Variants in ACSM5 observed in about 807,000 individuals in gnomAD.
ACSM5 encodes the protein acyl-CoA synthetase medium chain family member 5.
A neutral mutation model predicts 71.6 loss-of-function variants in ACSM5; 56 were observed. The ratio of observed to expected loss-of-function variants is 0.78; its 90% confidence interval spans 0.63 to 0.98. ACSM5 has a LOEUF of 0.98. ACSM5 is among the 50% of genes least tolerant of loss of function. ACSM5 has a pLI of 0.00. For missense variants in ACSM5, 723 were observed against 726.0 expected (o/e 1.00, Z 0.05); for synonymous variants, 285 against 281.5 (o/e 1.01, Z -0.12).
At chr16:20,420,156 C>T (rs1301765042) in intron 4 of ACSM5, among the ~76,000 whole-genome samples, 1 of 152,156 alleles carries the variant, frequency 6.6e-6, no homozygotes, top group Admixed American at 6.5e-5. Context: ...CTCTCAGGGG[C>T]CTGAACCATT....
intron 5 of ACSM5, among the ~76,000 whole-genome samples, chr16:20,421,658 C>CAT (rs1966885722): frequency 1.7e-5 from 2 of 118,940 alleles, no homozygotes; most frequent in South Asian, 5.5e-4. Context: ...TATATATATA[C>CAT]ACACACACAT....
In ACSM5 at chr16:20,419,245, G is replaced by C; in HGVS notation, c.433G>C (p.Gly145Arg). Reference sequence around the variant, plus strand: ...TATGCCAGGGACTGTGATGATTCCGGGTGTGACTCAGCTGACAGAGAAGGA... The same window carrying C: ...TATGCCAGGGACTGTGATGATTCCGCGTGTGACTCAGCTGACAGAGAAGGA... Reference protein sequence around the residue: ...CMRTGTVMIPGVTQLTEKDLK... With the variant: ...CMRTGTVMIPRVTQLTEKDLK... Residue 145 changes from glycine to arginine, a missense_variant, in exon 4 of 14, where the codon GGT becomes CGT. Transcript: ENST00000331849. The C allele has an allele frequency of 1.9e-6, 3 of 1,614,018 alleles. No homozygotes were observed. Among genetic ancestry groups the C allele is most frequent in the Non-Finnish European group, 2.5e-6 (3 of 1,180,004 alleles).
intron 12 of ACSM5, among the ~76,000 whole-genome samples, chr16:20,439,493 A>C (rs1336909143): frequency 8.6e-5 from 13 of 151,918 alleles, no homozygotes; most frequent in African/African-American, 3.1e-4. Context: ...TCTTTTCTCC[A>C]AAATATTTGC....
At chr16:20,431,373 T>C in intron 10 of ACSM5, 52 bp downstream of exon 10, 2 of 1,374,706 alleles carry the variant, frequency 1.5e-6, no homozygotes. Context: ...TGCTAAGCAT[T>C]GTGCACCACA....
chr16:20,431,932 G>A (rs1473678961), intron 10 of ACSM5, among the ~76,000 whole-genome samples: 3 of 147,502 alleles, frequency 2.0e-5, no homozygotes, highest in East Asian at 2.1e-4. Context: ...GTGAGGGAAC[G>A]AGACTCCGTA....
chr16:20,411,770 C>T (rs529132295), intron 2 of ACSM5, 82 bp downstream of exon 2: 2 of 1,433,110 alleles, frequency 1.4e-6, no homozygotes, highest in African/African-American at 1.4e-5. Flanking sequence ...AGGCTCCAAG[C>T]ATGTTGATGA....
chr16:20,419,220 T>C lies in ACSM5; in HGVS notation c.416-8T>C. ...ATCCACTCAACATCCCCTTCTGTTT[T>C]ATGCCAGGGACTGTGATGATTCCGG... is the stretch of plus-strand genomic sequence containing the variant. On this transcript the variant is annotated splice_polypyrimidine_tract_variant and splice_region_variant and intron_variant, in intron 3 of 13. Transcript: ENST00000331849. 6.2e-7 allele frequency: 1 copy of C among 1,614,126 alleles called. No individual in the cohort carries two copies. The highest frequency in any genetic ancestry group is 8.5e-7 in the Non-Finnish European group (1 of 1,180,020).
chr16:20,429,595 G>C (rs1384912151), intron 7 of ACSM5, 83 bp from the exon 8 acceptor site: 5 of 1,587,196 alleles, frequency 3.2e-6, no homozygotes, highest in Admixed American at 1.7e-5. Context: ...TGCCTGTGGT[G>C]TTTGCATCTG....
In ACSM5 at chr16:20,421,414, C is replaced by T. The variant is rs745481198; in HGVS notation, c.767+13C>T. On this transcript the variant is annotated intron_variant, in intron 5 of 13. Coordinates refer to ENST00000331849, the MANE Select transcript of ACSM5 (RefSeq NM_017888.3). ...TGGCCAGCGGAAGGTACCAGAGCAGCTTGTCTAGAGGATCCAAGAACAGAA... is the reference window on the plus strand; with the variant it reads ...TGGCCAGCGGAAGGTACCAGAGCAGTTTGTCTAGAGGATCCAAGAACAGAA... 2.5e-6 allele frequency: 4 copies of T among 1,573,808 alleles called. No homozygotes were observed. The highest frequency in any genetic ancestry group is 3.5e-6 in the Non-Finnish European group (4 of 1,155,006).
At chr16:20,420,369 G>A (rs917474011) in intron 4 of ACSM5, among the ~76,000 whole-genome samples, 1 of 152,238 alleles carries the variant, frequency 6.6e-6, no homozygotes, top group Non-Finnish European at 1.5e-5. Context: ...TGGAGGCTGA[G>A]GCAGGCAGAT....
In ACSM5 at chr16:20,427,808, A is replaced by C; in HGVS notation, c.942A>C (p.Ile314=). Residue 314 remains isoleucine (I), a synonymous_variant, in exon 7 of 14, where the codon ATA becomes ATC. Coordinates refer to ENST00000331849, the MANE Select transcript of ACSM5 (RefSeq NM_017888.3). The stretch of plus-strand genomic sequence containing the variant: ...TTTAGACTCTCTCCAAATTCCCGAT[A>C]ACCACCCTCTGCTGTGTCCCAACCA... ...VILNTLSKFP[I]TTLCCVPTIF... 6.2e-7 allele frequency: 1 copy of C among 1,613,790 alleles called. No individual in the cohort carries two copies. The highest frequency in any genetic ancestry group is 1.1e-5 in the South Asian group (1 of 91,070).
chr16:20,439,757 T>C (rs749379447), intron 12 of ACSM5, 43 bp from the exon 13 acceptor site: 48 of 1,582,178 alleles, frequency 3.0e-5, no homozygotes, highest in Non-Finnish European at 4.0e-5. Context: ...AAAGAGTTGT[T>C]ATACGAGGCC....
In ACSM5 at chr16:20,441,192, C is replaced by T. The variant is rs190930405; in HGVS notation, c.*765C>T. 81 of 152,272 alleles carry T rather than the reference C, an allele frequency of 5.3e-4. No homozygotes were observed. Among genetic ancestry groups the T allele is most frequent in the African/African-American group, 1.8e-3 (76 of 41,564 alleles). 9.4% of individuals were successfully genotyped at this position (152,272 alleles called of 1,614,324 possible). ...AGGGAAAACTGTGGTTAATTGTAAT[C>T]CTCCTGGAGATTGAGGAGGGAGGGA... is the stretch of plus-strand genomic sequence containing the variant. On this transcript the variant is annotated 3_prime_UTR_variant, in exon 14 of 14. Transcript: ENST00000331849.
chr16:20,431,169 C>T, intron 9 of ACSM5, 51 bp from the exon 10 acceptor site: 1 of 1,595,804 alleles, frequency 6.3e-7, no homozygotes. Flanking sequence ...CTGGGAGAGG[C>T]CCAGGGTGTA....
In ACSM5 at chr16:20,421,265, T is replaced by C. The variant is rs535549513; in HGVS notation, c.631T>C (p.Ser211Pro). Residue 211 changes from serine to proline, a missense_variant, in exon 5 of 14, where the codon TCT (serine) becomes CCT (proline). Coordinates refer to ENST00000331849, the MANE Select transcript of ACSM5 (RefSeq NM_017888.3). ...LNFRELLREA[S>P]TEHNCMRTKS... ...TGTATTTACGTTTTACAGGGAGGCT[T>C]CTACAGAGCACAACTGCATGAGGAC... 2 of 1,586,998 alleles carry C rather than the reference T, an allele frequency of 1.3e-6. No individual in the cohort carries two copies. Among genetic ancestry groups the C allele is most frequent in the East Asian group, 4.6e-5 (2 of 43,280 alleles).
At position 20,431,258 on chromosome 16, in the gene ACSM5, A is replaced by G; in HGVS notation, c.1245A>G (p.Glu415=). Residue 415 remains glutamate, a synonymous_variant, in exon 10 of 14, where the codon GAA becomes GAG. Transcript: ENST00000331849. ...AGGGCAACGTCCTGCCTCCTGGAGA[A>G]GAGGGGAATGTTGCCGTCCGTATCA... ...DDEGNVLPPG[E]EGNVAVRIRP... 6.2e-7 allele frequency: 1 copy of G among 1,614,134 alleles called. No homozygotes were observed. The highest frequency in any genetic ancestry group is 8.5e-7 in the Non-Finnish European group (1 of 1,180,012).
intron 10 of ACSM5, among the ~76,000 whole-genome samples, chr16:20,434,933 T>C (rs577902205): frequency 6.6e-6 from 1 of 152,388 alleles, no homozygotes; most frequent in African/African-American, 2.4e-5. Flanking sequence ...AGAATCAACT[T>C]GTCAAGTTCC....
chr16:20,414,021 C>G (rs1966852088), intron 2 of ACSM5, among the ~76,000 whole-genome samples: 2 of 152,100 alleles, frequency 1.3e-5, no homozygotes, highest in African/African-American at 4.8e-5. Context: ...GCAGCAACAG[C>G]AAACCAAACT....
rs750139938 is a variant in ACSM5, at chr16:20,429,668, T to C, written c.1002-10T>C. On this transcript the variant is annotated splice_polypyrimidine_tract_variant and intron_variant, in intron 7 of 13. Transcript: ENST00000331849. ...TGACATAGGTGGCCTTGTTTTCCTG[T>C]CTGAGAAAGGTACCAGTTTCAGAGC... The C allele has an allele frequency of 1.1e-5, 18 of 1,613,666 alleles. No homozygotes were observed. The highest frequency in any genetic ancestry group is 8.0e-5 in the African/African-American group (6 of 74,896).
Sources: allele counts gnomAD v4.1 joint callset (sites outside exome capture counted in the v4.1 genomes callset), GRCh38; gene constraint gnomAD v4.1.1; transcripts MANE v1.5; gene names NCBI Gene and HGNC (gene_info 2026-07-23, HGNC 2026-07-21).